Variants in STAB2 observed in about 807,000 individuals in gnomAD.
STAB2 encodes stabilin-2.
Under a neutral mutation model 338.1 loss-of-function variants are expected in STAB2, and 288 were observed. The observed-to-expected ratio is 0.85, with a 90% CI of 0.77 to 0.94. STAB2 has a LOEUF of 0.94. Among genes scored for constraint, STAB2 ranks in the 40% least tolerant of loss-of-function variants. The pLI is 0.00. For synonymous variants in STAB2, 1,202 were observed against 1,193.3 expected (o/e 1.01, Z -0.15); for missense variants, 3,141 against 3,210.1 (o/e 0.98, Z 0.52).
chr12:103,740,014 A>C (rs1882459209), intron 54 of STAB2, among the ~76,000 whole-genome samples: 1 of 152,210 alleles, frequency 6.6e-6, no homozygotes, highest in African/African-American at 2.4e-5. Context: ...GTATGGGGTC[A>C]AATTCCATAA....
intron 3 of STAB2, among the ~76,000 whole-genome samples, chr12:103,599,231 T>C (rs1436075907): frequency 2.6e-5 from 4 of 152,232 alleles, no homozygotes; most frequent in Non-Finnish European, 2.9e-5. Context: ...CCCTGGTCTC[T>C]TGTGGGGCAG....
intron 29 of STAB2, 91 bp downstream of exon 29, chr12:103,690,073 C>G: frequency 6.6e-7 from 1 of 1,510,182 alleles, no homozygotes; most frequent in Non-Finnish European, 8.9e-7. Context: ...CCACATGGTC[C>G]TTCAAATTCG....
chr12:103,737,635 G>A lies in STAB2; in HGVS notation c.5552G>A (p.Gly1851Asp). 7.7e-7 allele frequency: 1 copy of A among 1,296,476 alleles called. No homozygotes were observed. Among genetic ancestry groups the A allele is most frequent in the Non-Finnish European group, 1.1e-6 (1 of 918,258 alleles). The allele number at this position is 1,296,476 out of a possible 1,614,324, so 80.3% of individuals were successfully genotyped here. Residue 1851 changes from glycine to aspartate, a missense_variant and splice_region_variant, in exon 53 of 69, where the codon GGT becomes GAT. Physicochemically the swap from Gly to Asp is moderately conservative, Grantham distance 94 (BLOSUM62 -1). Transcript: ENST00000388887. Reference protein sequence around the residue: ...SVKCGAGRDIGDLFLNGQTCR... With the variant: ...SVKCGAGRDIDDLFLNGQTCR... ...TTTTTTTTTTTTTTTCTTTCTTAGGGTGACCTCTTTCTGAATGGCCAAACC... is the reference window on the plus strand; with the variant it reads ...TTTTTTTTTTTTTTTCTTTCTTAGGATGACCTCTTTCTGAATGGCCAAACC...
intron 3 of STAB2, among the ~76,000 whole-genome samples, chr12:103,597,094 G>A (rs1956888107): frequency 6.6e-6 from 1 of 151,960 alleles, no homozygotes; most frequent in African/African-American, 2.4e-5. Context: ...CTTTCACTGG[G>A]GCAAAACGGT....
Position 103,713,757 on chromosome 12 carries a change from T to C in STAB2, c.4526T>C (p.Ile1509Thr). Residue 1509 changes from isoleucine (I) to threonine (T), a missense_variant, in exon 42 of 69, where the codon ATT (isoleucine) becomes ACT (threonine). By Grantham distance (89) the Ile-to-Thr change is moderately conservative. Transcript: ENST00000388887. ...TCKAGYTGDGIVCLEINPCLE... is the reference protein window; with the variant it reads ...TCKAGYTGDGTVCLEINPCLE... ...AAAGCAGGCTACACGGGTGATGGCATTGTGTGCCTGGGTAGGTGTCCTTCC... is the reference window on the plus strand; with the variant it reads ...AAAGCAGGCTACACGGGTGATGGCACTGTGTGCCTGGGTAGGTGTCCTTCC... The C allele has an allele frequency of 6.2e-7, 1 of 1,613,734 alleles. No individual in the cohort carries two copies. The highest frequency in any genetic ancestry group is 8.5e-7 in the Non-Finnish European group (1 of 1,179,774).
intron 26 of STAB2, among the ~76,000 whole-genome samples, 166 bp downstream of exon 26, chr12:103,683,466 C>T (rs1036081672): frequency 6.6e-6 from 1 of 152,140 alleles, no homozygotes; most frequent in African/African-American, 2.4e-5. Context: ...TACTTCATTC[C>T]AAAGCTTGGA....
chr12:103,597,285 G>A (rs1044217814), intron 3 of STAB2, among the ~76,000 whole-genome samples: 1 of 152,206 alleles, frequency 6.6e-6, no homozygotes, highest in African/African-American at 2.4e-5. Context: ...CCATTTCAGA[G>A]CTGCTGACGT....
intron 38 of STAB2, 125 bp downstream of exon 38, chr12:103,707,112 C>T (rs1018491025): frequency 1.8e-5 from 17 of 937,596 alleles, no homozygotes; most frequent in Middle Eastern, 3.3e-4. Context: ...GGAATCCCAC[C>T]TGCTACTATC....
At chr12:103,621,963 C>A in intron 4 of STAB2, 79 bp from the exon 5 acceptor site, 1 of 1,359,608 alleles carries the variant, frequency 7.4e-7, no homozygotes, top group Non-Finnish European at 1.0e-6. Flanking sequence ...AAAACAAATG[C>A]TGAGTTGGAA....
chr12:103,601,324 G>T (rs1230759976), intron 3 of STAB2, among the ~76,000 whole-genome samples: 1 of 152,232 alleles, frequency 6.6e-6, no homozygotes, highest in Non-Finnish European at 1.5e-5. Flanking sequence ...GGGCGAGGTG[G>T]CTTGCGCCAG....
chr12:103,643,580 G>T (rs1454786525), intron 9 of STAB2, among the ~76,000 whole-genome samples: 1 of 152,122 alleles, frequency 6.6e-6, no homozygotes, highest in Non-Finnish European at 1.5e-5. Context: ...TTAGGGTCCA[G>T]AACTGTGATA....
intron 57 of STAB2, among the ~76,000 whole-genome samples, chr12:103,745,906 G>C (rs998095848): frequency 6.6e-6 from 1 of 152,182 alleles, no homozygotes. Context: ...TCAGTTTTCT[G>C]ATGTCTCCTT....
chr12:103,649,595 T>A lies in STAB2; in HGVS notation c.1174+772T>A, dbSNP rs371881513. Among the ~76,000 whole-genome samples, 310 of 152,320 alleles carry A rather than the reference T, an allele frequency of 2.0e-3. 2 individuals are homozygous for A. Among genetic ancestry groups the A allele is most frequent in the African/African-American group, 7.1e-3 (297 of 41,584 alleles). The stretch of plus-strand genomic sequence containing the variant: ...AATTTACCAGTTGCCAAAAATGATC[T>A]CCCAGCAAGAACATAGATAAACCAG... On this transcript the variant is annotated intron_variant, in intron 10 of 68. Transcript: ENST00000388887.
intron 33 of STAB2, among the ~76,000 whole-genome samples, chr12:103,696,728 C>T (rs1465362817): frequency 6.6e-6 from 1 of 152,194 alleles, no homozygotes; most frequent in Non-Finnish European, 1.5e-5. Flanking sequence ...CTGCTGACAT[C>T]TTAGCTACTG....
Position 103,673,951 on chromosome 12 carries a change from G to A in STAB2, c.2416G>A (p.Asp806Asn), listed in dbSNP as rs1258143157. The A allele has an allele frequency of 3.1e-6, 5 of 1,613,936 alleles. No individual in the cohort carries two copies. The highest frequency in any genetic ancestry group is 4.2e-6 in the Non-Finnish European group (5 of 1,180,006). The part of the protein sequence containing the change: ...HGTCNNRIDS[D>N]GACLTGTCRD... ...AACATGCAATAACAGGATAGACAGC[G>A]ATGGGGCCTGCCTCACTGGCACATG... Residue 806 changes from aspartate to asparagine, a missense_variant, in exon 23 of 69, where the codon GAT becomes AAT. Coordinates refer to ENST00000388887, the MANE Select transcript of STAB2 (RefSeq NM_017564.10).
chr12:103,640,131 C>T lies in STAB2; in HGVS notation c.915C>T (p.Cys305=), dbSNP rs200010553. The T allele has an allele frequency of 1.9e-5, 30 of 1,611,124 alleles. No homozygotes were observed. The highest frequency in any genetic ancestry group is 3.3e-5 in the South Asian group (3 of 90,672). The part of the protein sequence containing the change: ...CKYDGPGQSH[C]ECKEHYQNFV... ...CTTCCTGTCTACTGAAGTCTCACTG[C>T]GAGTGTAAGGAGCATTACCAGAATT... The change falls in exon 9 of 69, where the codon TGC becomes TGT. Residue 305 remains cysteine, a synonymous_variant. Transcript: ENST00000388887.
intron 60 of STAB2, among the ~76,000 whole-genome samples, chr12:103,752,848 G>T (rs917508562): frequency 2.0e-5 from 3 of 152,068 alleles, no homozygotes; most frequent in African/African-American, 7.2e-5. Context: ...TAGGAAAGAA[G>T]ATTGAAAGAA....
intron 15 of STAB2, 22 bp downstream of exon 15, chr12:103,655,603 G>T: frequency 6.2e-7 from 1 of 1,612,534 alleles, no homozygotes; most frequent in Non-Finnish European, 8.5e-7. Flanking sequence ...TGCTTGCTCT[G>T]ATGGCATCGT....
chr12:103,712,323 T>C, intron 40 of STAB2, 44 bp from the exon 41 acceptor site: 5 of 1,432,266 alleles, frequency 3.5e-6, no homozygotes, highest in Non-Finnish European at 4.9e-6. Flanking sequence ...TGGTGGGAGG[T>C]GGAGTATTTT....
Sources: allele counts gnomAD v4.1 joint callset (sites outside exome capture counted in the v4.1 genomes callset), GRCh38; gene constraint gnomAD v4.1.1; transcripts MANE v1.5; gene names NCBI Gene and HGNC (gene_info 2026-07-23, HGNC 2026-07-21).